The following BANK1 variants were observed in gnomAD, a reference collection of about 807,000 sequenced individuals.
The protein encoded by BANK1 is B-cell scaffold protein with ankyrin repeats.
A neutral mutation model predicts 94.5 loss-of-function variants in BANK1; 95 were observed. The ratio of observed to expected loss-of-function variants is 1.00; its 90% CI spans 0.85 to 1.19. The LOEUF is 1.19. BANK1 is among the 50% of genes most tolerant of loss of function. BANK1 has a pLI of 0.00. For missense variants in BANK1, 987 were observed against 932.2 expected (o/e 1.06, Z -0.77); for synonymous variants, 334 against 308.4 (o/e 1.08, Z -0.87).
Position 101,895,378 on chromosome 4 carries a change from C to T in BANK1, c.977C>T (p.Ser326Phe), listed in dbSNP as rs1029204434. Reference protein sequence around the residue: ...KHEIPYYEFQSLQTEICSQNK... With the variant: ...KHEIPYYEFQFLQTEICSQNK... Reference sequence around the variant, plus strand: ...GAGATACCATATTATGAGTTCCAGTCTCTTCAAACTGAAATTTGTTCTCAA... The same window carrying T: ...GAGATACCATATTATGAGTTCCAGTTTCTTCAAACTGAAATTTGTTCTCAA... The change falls in exon 6 of 17, where the codon TCT becomes TTT. Residue 326 changes from serine (S) to phenylalanine (F), a missense_variant. Coordinates refer to ENST00000322953, the MANE Select transcript of BANK1 (RefSeq NM_017935.5). 3 of 1,591,768 alleles carry T rather than the reference C, an allele frequency of 1.9e-6. No individual in the cohort carries two copies. The highest frequency in any genetic ancestry group is 2.6e-6 in the Non-Finnish European group (3 of 1,167,274).
At chr4:101,910,694 GAA>G (rs1159879652) in intron 6 of BANK1, among the ~76,000 whole-genome samples, 84 of 67,722 alleles carry the variant, frequency 1.2e-3, no homozygotes, top group African/African-American at 3.6e-3. Flanking sequence ...ACTCCGTCTC[GAA>G]AAAAAAAAAA....
Position 101,909,551 on chromosome 4 carries a change from C to A in BANK1, c.1010-8442C>A, listed in dbSNP as rs557902471. On this transcript the variant is annotated intron_variant, in intron 6 of 16. Coordinates refer to ENST00000322953, the MANE Select transcript of BANK1 (RefSeq NM_017935.5). ...GAACTTAAAGTATAACACACACACA[C>A]ACAAAAAAATGCCTTTAAGCGGTTT... Among the ~76,000 whole-genome samples the A allele has an allele frequency of 1.4e-3, 212 of 151,584 alleles. 1 individual carries two copies. The highest frequency in any genetic ancestry group is 3.4e-3 in the Middle Eastern group (1 of 294).
At chr4:101,874,408 TC>T (rs1728410809) in intron 5 of BANK1, among the ~76,000 whole-genome samples, 1 of 152,206 alleles carries the variant, frequency 6.6e-6, no homozygotes, top group Non-Finnish European at 1.5e-5. Context: ...ATTCTTCCCA[TC>T]GAGAGATACT....
chr4:101,858,807 A>G (rs1038622708), intron 3 of BANK1, among the ~76,000 whole-genome samples: 3 of 152,188 alleles, frequency 2.0e-5, no homozygotes, highest in African/African-American at 4.8e-5. Context: ...TGTTTTTACA[A>G]TCAGAATCCT....
chr4:101,901,464 AC>A (rs887094911), intron 6 of BANK1, among the ~76,000 whole-genome samples: 1 of 152,182 alleles, frequency 6.6e-6, no homozygotes, highest in African/African-American at 2.4e-5. Flanking sequence ...TTTGCTGTAT[AC>A]CTTTTCCCTA....
chr4:101,847,449 CT>C (rs1727291878), intron 2 of BANK1, among the ~76,000 whole-genome samples: 1 of 151,566 alleles, frequency 6.6e-6, no homozygotes, highest in African/African-American at 2.4e-5. Context: ...TGTGTAAGTT[CT>C]TTAGTGGTGA....
intron 5 of BANK1, among the ~76,000 whole-genome samples, chr4:101,871,557 CAT>C (rs1162463227): frequency 1.3e-5 from 2 of 151,958 alleles, no homozygotes; most frequent in Non-Finnish European, 2.9e-5. Context: ...ATATGAACGA[CAT>C]ATTTTAGAAC....
intron 7 of BANK1, among the ~76,000 whole-genome samples, chr4:102,004,894 G>C (rs943926349): frequency 2.6e-5 from 4 of 152,064 alleles, no homozygotes; most frequent in African/African-American, 9.7e-5. Flanking sequence ...CACTGCTTTA[G>C]TTGTAAATAC....
intron 7 of BANK1, among the ~76,000 whole-genome samples, chr4:101,926,235 A>G (rs940753888): frequency 2.6e-5 from 4 of 151,692 alleles, no homozygotes; most frequent in African/African-American, 9.7e-5. Flanking sequence ...AAAAAACAAG[A>G]ATATTCATCA....
chr4:101,861,543 A>G (rs1399120407), intron 3 of BANK1, among the ~76,000 whole-genome samples: 2 of 152,188 alleles, frequency 1.3e-5, no homozygotes, highest in African/African-American at 2.4e-5. Context: ...ACAGCATGAT[A>G]TAAGGATTAG....
chr4:101,867,329 A>G (rs1214772083), intron 4 of BANK1, among the ~76,000 whole-genome samples: 1 of 152,076 alleles, frequency 6.6e-6, no homozygotes, highest in African/African-American at 2.4e-5. Context: ...TTAATATAGA[A>G]TGAAGTAGAA....
chr4:102,050,648 T>C (rs1043594993), intron 11 of BANK1, among the ~76,000 whole-genome samples: 5 of 152,168 alleles, frequency 3.3e-5, no homozygotes, highest in African/African-American at 1.2e-4. Flanking sequence ...AATATTCAAA[T>C]TTCCAACCAC....
intron 7 of BANK1, among the ~76,000 whole-genome samples, chr4:101,942,430 G>A (rs561487393): frequency 2.0e-5 from 3 of 152,010 alleles, no homozygotes; most frequent in East Asian, 3.9e-4. Flanking sequence ...CTCTGTAGAC[G>A]ATTCTATGTT....
At chr4:102,032,418 C>A (rs1393591631) in intron 10 of BANK1, 2 of 152,098 alleles carry the variant, frequency 1.3e-5, no homozygotes, top group African/African-American at 4.8e-5. Context: ...AATTCAATAT[C>A]TTTGTTACTG....
chr4:101,799,781 G>C (rs1167160079), intron 1 of BANK1, among the ~76,000 whole-genome samples: 1 of 152,164 alleles, frequency 6.6e-6, no homozygotes, highest in Non-Finnish European at 1.5e-5. Flanking sequence ...GGCTGAGGCA[G>C]GAGAATGGCA....
At chr4:101,820,250 A>C (rs1726087871) in intron 1 of BANK1, among the ~76,000 whole-genome samples, 1 of 152,186 alleles carries the variant, frequency 6.6e-6, no homozygotes, top group African/African-American at 2.4e-5. Context: ...TTCATTCCAT[A>C]CATACTTTCC....
At chr4:101,894,230 C>G (rs1433367575) in intron 5 of BANK1, among the ~76,000 whole-genome samples, 1 of 151,940 alleles carries the variant, frequency 6.6e-6, no homozygotes, top group Non-Finnish European at 1.5e-5. Flanking sequence ...ATTTTCCCTT[C>G]TTTTTTAAAA....
chr4:101,915,825 T>C (rs1722808916), intron 6 of BANK1, among the ~76,000 whole-genome samples: 1 of 152,098 alleles, frequency 6.6e-6, no homozygotes, highest in Non-Finnish European at 1.5e-5. Flanking sequence ...ATTTTTTTGT[T>C]TCTTAAAATT....
intron 7 of BANK1, among the ~76,000 whole-genome samples, chr4:101,986,895 G>GTATA (rs1253442320): frequency 2.6e-4 from 17 of 64,686 alleles, no homozygotes; most frequent in African/African-American, 9.2e-4. Context: ...GTGTGTGTGT[G>GTATA]TGTGTATATA....
Sources: allele counts gnomAD v4.1 joint callset (sites outside exome capture counted in the v4.1 genomes callset), GRCh38; gene constraint gnomAD v4.1.1; transcripts MANE v1.5; gene names NCBI Gene and HGNC (gene_info 2026-07-23, HGNC 2026-07-21).